The following SLC12A6 variants were observed in gnomAD, a reference collection of about 807,000 sequenced individuals.
SLC12A6 encodes K-Cl cotransporter 3.
A neutral mutation model predicts 135.3 loss-of-function variants in SLC12A6; 66 were observed. The ratio of observed to expected loss-of-function variants is 0.49; its 90% CI spans 0.40 to 0.60. The LOEUF is 0.60. Ranked by LOEUF, SLC12A6 falls within the 20% of genes least tolerant of loss-of-function variation. SLC12A6 has a pLI of 0.00. For missense variants in SLC12A6, 1,058 were observed against 1,452.3 expected, an observed-to-expected ratio of 0.73 and a Z score of 4.41; for synonymous variants, 513 against 508.8, an observed-to-expected ratio of 1.01 and a Z score of -0.11.
At chr15:34,245,451 T>A in intron 14 of SLC12A6, 48 bp from the exon 15 acceptor site, 2 of 1,082,126 alleles carry the variant, frequency 1.8e-6, no homozygotes, top group Non-Finnish European at 2.9e-6. Context: ...GAGTCATTGC[T>A]CTCTGATTTC....
chr15:34,254,503 G>T lies in SLC12A6; in HGVS notation c.963C>A (p.Tyr321Ter), dbSNP rs35583475. Reference sequence around the variant, plus strand: ...CCATAAGGACCAAGAAAGCTGTGCCGTAGACACGCATGTTATTTAGCATGG... The same window carrying T: ...CCATAAGGACCAAGAAAGCTGTGCCTTAGACACGCATGTTATTTAGCATGG... The part of the protein sequence containing the change: ...SAAMLNNMRV[Y>*]GTAFLVLMVL... The change falls in exon 9 of 26, where the codon TAC becomes TAA. Residue 321 changes from tyrosine to a stop codon, truncating the protein, a stop_gained. Coordinates refer to ENST00000354181, the MANE Select transcript of SLC12A6 (RefSeq NM_001365088.1). LOFTEE classifies it high-confidence loss of function. 3.7e-6 allele frequency: 6 copies of T among 1,613,006 alleles called. No individual in the cohort carries two copies. The highest frequency in any genetic ancestry group is 5.1e-6 in the Non-Finnish European group (6 of 1,179,018).
intron 7 of SLC12A6, among the ~76,000 whole-genome samples, 173 bp downstream of exon 7, chr15:34,256,056 C>T (rs1307984467): frequency 1.3e-5 from 2 of 152,106 alleles, no homozygotes; most frequent in Non-Finnish European, 2.9e-5. Context: ...ATTTTAAAGA[C>T]GGCATCTTAA....
intron 20 of SLC12A6, 86 bp from the exon 21 acceptor site, chr15:34,238,487 T>C: frequency 9.7e-7 from 1 of 1,032,744 alleles, no homozygotes; most frequent in South Asian, 1.3e-5. Flanking sequence ...AATGCTCTTT[T>C]CACACTTCTT....
At position 34,299,201 on chromosome 15, in the gene SLC12A6, G is replaced by T. The variant is rs1896079233; in HGVS notation, c.272-23812C>A. On this transcript the variant is annotated intron_variant, in intron 2 of 25. Transcript: ENST00000354181. Reference sequence around the variant, plus strand: ...GATGATGGTGGTAGCGGAGGCTACTGGTGTAGACATTTATAAATAGATTGT... The same window carrying T: ...GATGATGGTGGTAGCGGAGGCTACTTGTGTAGACATTTATAAATAGATTGT... Among the ~76,000 whole-genome samples, 4 of 152,204 alleles carry T rather than the reference G, an allele frequency of 2.6e-5. No individual in the cohort carries two copies. The South Asian group carries it at 6.2e-4, about 24-fold the overall frequency.
At chr15:34,256,199 A>C in intron 7 of SLC12A6, 30 bp downstream of exon 7, 4 of 1,440,184 alleles carry the variant, frequency 2.8e-6, no homozygotes, top group Non-Finnish European at 3.9e-6. Flanking sequence ...AACACTGATA[A>C]ATCCTGAAAT....
chr15:34,328,837 T>G (rs1402259892), intron 2 of SLC12A6, among the ~76,000 whole-genome samples: 3 of 152,164 alleles, frequency 2.0e-5, no homozygotes, highest in Non-Finnish European at 2.9e-5. Context: ...GTACTACAGT[T>G]GTGCCTCTGA....
chr15:34,271,583 AT>A (rs1893948652), intron 3 of SLC12A6, among the ~76,000 whole-genome samples: 2 of 145,752 alleles, frequency 1.4e-5, no homozygotes, highest in Admixed American at 1.4e-4. Flanking sequence ...CTTTCTAAAA[AT>A]TTTTTTAAGT....
intron 10 of SLC12A6, 44 bp from the exon 11 acceptor site, chr15:34,251,101 A>AG (rs757646308): frequency 1.2e-5 from 17 of 1,370,154 alleles, no homozygotes; most frequent in Non-Finnish European, 1.7e-5. Context: ...CAGTATGAAA[A>AG]AAAAAAGATA....
At chr15:34,285,184 G>A (rs934561185) in intron 2 of SLC12A6, among the ~76,000 whole-genome samples, 4 of 152,214 alleles carry the variant, frequency 2.6e-5, no homozygotes, top group Admixed American at 2.6e-4. Flanking sequence ...TGAGCAGATA[G>A]CAGGGACCAA....
chr15:34,321,495 T>C (rs1595570277), intron 2 of SLC12A6, among the ~76,000 whole-genome samples: 1 of 152,098 alleles, frequency 6.6e-6, no homozygotes, highest in Non-Finnish European at 1.5e-5. Context: ...AACACCAAAT[T>C]TGGCAAGACT....
chr15:34,241,471 A>AT, intron 17 of SLC12A6, 134 bp from the exon 18 acceptor site: 1 of 650,896 alleles, frequency 1.5e-6, no homozygotes, highest in Non-Finnish European at 2.7e-6. Context: ...AATGATTTAC[A>AT]TAATGTTCTT....
chr15:34,301,781 G>A (rs1454080572), intron 2 of SLC12A6, among the ~76,000 whole-genome samples: 2 of 152,212 alleles, frequency 1.3e-5, no homozygotes, highest in Non-Finnish European at 2.9e-5. Flanking sequence ...CCTGAGGTCA[G>A]GAGTTCGAGA....
intron 13 of SLC12A6, among the ~76,000 whole-genome samples, chr15:34,249,500 G>A (rs1469844210): frequency 6.6e-6 from 1 of 152,214 alleles, no homozygotes; most frequent in Non-Finnish European, 1.5e-5. Context: ...CCAGGAGGTT[G>A]AGGCTGTAGG....
chr15:34,335,880 G>C (rs1354866210), intron 2 of SLC12A6, among the ~76,000 whole-genome samples: 1 of 152,200 alleles, frequency 6.6e-6, no homozygotes, highest in Non-Finnish European at 1.5e-5. Context: ...ATCACCCTGA[G>C]TGGGCTTAGC....
intron 3 of SLC12A6, among the ~76,000 whole-genome samples, chr15:34,263,200 C>T (rs1363360267): frequency 6.6e-6 from 1 of 152,148 alleles, no homozygotes; most frequent in East Asian, 1.9e-4. Flanking sequence ...TGGGAGACTG[C>T]TAGAGTCCAG....
chr15:34,300,793 CAAAAAAAAAAAA>C (rs71763739), intron 2 of SLC12A6, among the ~76,000 whole-genome samples: 1 of 98,804 alleles, frequency 1.0e-5, no homozygotes, highest in Non-Finnish European at 2.4e-5. Context: ...GACTCCGTCT[CAAAAAAAAAAAA>C]AAAAAAAAAA....
intron 2 of SLC12A6, among the ~76,000 whole-genome samples, chr15:34,288,951 C>T (rs530580557): frequency 5.1e-4 from 78 of 152,314 alleles, no homozygotes; most frequent in African/African-American, 1.6e-3. Context: ...TTGACTTCCT[C>T]TCTTCCTATT....
At chr15:34,266,733 G>A (rs754416481) in intron 3 of SLC12A6, among the ~76,000 whole-genome samples, 1 of 152,110 alleles carries the variant, frequency 6.6e-6, no homozygotes, top group Non-Finnish European at 1.5e-5. Context: ...GGCCTGGCTG[G>A]CACAACAATT....
chr15:34,335,203 T>TAA (rs1362102661), intron 2 of SLC12A6, among the ~76,000 whole-genome samples: 1 of 152,184 alleles, frequency 6.6e-6, no homozygotes, highest in Non-Finnish European at 1.5e-5. Flanking sequence ...TTGAAAACAG[T>TAA]AAAGTCTGAG....
Sources: allele counts gnomAD v4.1 joint callset (sites outside exome capture counted in the v4.1 genomes callset), GRCh38; gene constraint gnomAD v4.1.1; transcripts MANE v1.5; gene names NCBI Gene and HGNC (gene_info 2026-07-23, HGNC 2026-07-21).